The following SDK1 variants were observed in gnomAD, a reference collection of about 807,000 sequenced individuals.
The protein encoded by SDK1 is sidekick cell adhesion molecule 1, also known as protein sidekick-1.
Under a neutral mutation model 245.5 loss-of-function variants are expected in SDK1, and 157 were observed. The ratio of observed to expected loss-of-function variants is 0.64; its 90% CI spans 0.56 to 0.73. The LOEUF (loss-of-function observed/expected upper bound fraction) is 0.73, where lower values mean the gene tolerates loss of function less well. Among genes scored for constraint, SDK1 ranks in the 30% least tolerant of loss-of-function variants. The probability of loss-of-function intolerance (pLI) is 0.00; values close to 1 mark genes in which losing one functional copy is unlikely to be tolerated. For missense variants in SDK1, 3,583 were observed against 3,002.3 expected (o/e 1.19, Z -4.52); for synonymous variants, 1,647 against 1,278.5 (o/e 1.29, Z -6.15).
intron 1 of SDK1, among the ~76,000 whole-genome samples, chr7:3,490,753 C>G (rs1206433782): frequency 1.3e-5 from 2 of 152,200 alleles, no homozygotes; most frequent in Non-Finnish European, 2.9e-5. Context: ...CCCTGAGCTC[C>G]TGTCTTACAG....
chr7:4,022,223 A>C (rs1187325611), intron 17 of SDK1, among the ~76,000 whole-genome samples: 2 of 152,234 alleles, frequency 1.3e-5, no homozygotes, highest in African/African-American at 4.8e-5. Context: ...ATGTCTACAA[A>C]GAGAATTCGA....
At chr7:3,922,603 A>G (rs1779632146) in intron 5 of SDK1, among the ~76,000 whole-genome samples, 1 of 152,202 alleles carries the variant, frequency 6.6e-6, no homozygotes, top group Non-Finnish European at 1.5e-5. Flanking sequence ...ATTGTGTTTA[A>G]TGTCCCAGAG....
chr7:3,542,296 G>A (rs1779075729), intron 1 of SDK1, among the ~76,000 whole-genome samples: 1 of 152,164 alleles, frequency 6.6e-6, no homozygotes, highest in South Asian at 2.1e-4. Context: ...AGAACTTAGG[G>A]CATAATTTTT....
At chr7:3,552,703 G>C (rs1779455917) in intron 1 of SDK1, among the ~76,000 whole-genome samples, 1 of 152,178 alleles carries the variant, frequency 6.6e-6, no homozygotes, top group Non-Finnish European at 1.5e-5. Context: ...TGTCTTAGCT[G>C]TCATGCAATT....
chr7:3,935,170 G>A (rs900878553), intron 5 of SDK1, among the ~76,000 whole-genome samples: 3 of 152,174 alleles, frequency 2.0e-5, no homozygotes, highest in Admixed American at 6.5e-5. Flanking sequence ...TGCCAGGGAC[G>A]ATGGGCAGGG....
At chr7:3,821,630 T>A (rs769778149) in intron 5 of SDK1, 47 bp downstream of exon 5, 1 of 1,600,532 alleles carries the variant, frequency 6.2e-7, no homozygotes, top group South Asian at 1.1e-5. Flanking sequence ...AATAAAATCT[T>A]GCTTTAATCA....
chr7:3,419,908 T>G (rs1366212348), intron 1 of SDK1, among the ~76,000 whole-genome samples: 1 of 152,130 alleles, frequency 6.6e-6, no homozygotes, highest in Non-Finnish European at 1.5e-5. Flanking sequence ...CAAAGATAAA[T>G]AAGTAAAATT....
chr7:3,588,009 A>G (rs528503421), intron 1 of SDK1, among the ~76,000 whole-genome samples: 2 of 152,336 alleles, frequency 1.3e-5, no homozygotes, highest in South Asian at 2.1e-4. Context: ...GGGTAAATCA[A>G]TTCTTTGTAA....
chr7:4,216,774 A>G (rs1784820324), intron 38 of SDK1, among the ~76,000 whole-genome samples: 3 of 152,190 alleles, frequency 2.0e-5, no homozygotes, highest in Non-Finnish European at 4.4e-5. Flanking sequence ...TTGGCTGGGC[A>G]TTGACCAGTC....
At chr7:4,227,136 A>G in intron 40 of SDK1, 3 of 282,868 alleles carry the variant, frequency 1.1e-5, no homozygotes, top group African/African-American at 2.2e-5. Context: ...TTTTCAAGTG[A>G]GTAAGGAAGA....
chr7:4,096,679 T>C (rs1394580973), intron 22 of SDK1, among the ~76,000 whole-genome samples: 1 of 152,070 alleles, frequency 6.6e-6, no homozygotes, highest in Non-Finnish European at 1.5e-5. Flanking sequence ...ACTGTGACCT[T>C]CAGAGGAAAG....
At chr7:3,942,819 G>T (rs1037703143) in intron 5 of SDK1, among the ~76,000 whole-genome samples, 1 of 152,138 alleles carries the variant, frequency 6.6e-6, no homozygotes, top group Non-Finnish European at 1.5e-5. Flanking sequence ...GGTTTTTCTC[G>T]TAACAAAGCC....
intron 1 of SDK1, among the ~76,000 whole-genome samples, chr7:3,587,095 A>G (rs1780714968): frequency 1.3e-5 from 2 of 152,180 alleles, no homozygotes; most frequent in African/African-American, 4.8e-5. Context: ...GGCATGTGTG[A>G]AAACCTTTGT....
rs762189950 is a variant in SDK1 at position 4,110,726 on chromosome 7, G to A, written c.3388G>A (p.Ala1130Thr). The A allele has an allele frequency of 1.9e-6, 3 of 1,614,028 alleles. No individual in the cohort carries two copies. The change falls in exon 23 of 45, where the codon GCC (alanine) becomes ACC (threonine). Residue 1130 changes from alanine to threonine, a missense_variant. By Grantham distance (58) the Ala-to-Thr change is moderately conservative. Transcript: ENST00000404826. ...CTATGAAGAGGAGAATGAGCCTGAT[G>A]CCCAGATGCTGGAGATCCCAAACCT... ...TLYEEENEPD[A>T]QMLEIPNLTP... is the part of the protein sequence containing the mutation.
intron 1 of SDK1, among the ~76,000 whole-genome samples, chr7:3,589,310 G>T (rs1022432152): frequency 6.6e-6 from 1 of 152,126 alleles, no homozygotes; most frequent in Non-Finnish European, 1.5e-5. Context: ...GCCTGTTGAC[G>T]TCAGTACTGA....
chr7:4,218,784 T>A (rs1784981829), intron 38 of SDK1, among the ~76,000 whole-genome samples: 1 of 152,130 alleles, frequency 6.6e-6, no homozygotes, highest in Admixed American at 6.5e-5. Flanking sequence ...TGCCAATCGG[T>A]CCATCCTGGA....
intron 14 of SDK1, among the ~76,000 whole-genome samples, chr7:3,996,395 AT>A (rs1380181266): frequency 6.6e-6 from 1 of 152,178 alleles, no homozygotes; most frequent in African/African-American, 2.4e-5. Flanking sequence ...AACTGAAATT[AT>A]TTTGTTTCAA....
intron 1 of SDK1, among the ~76,000 whole-genome samples, chr7:3,505,952 TTA>T (rs1354406012): frequency 6.6e-6 from 1 of 152,250 alleles, no homozygotes; most frequent in African/African-American, 2.4e-5. Context: ...ATATTTATTT[TTA>T]TGTTTGTTAT....
rs1039505962 is a variant in SDK1 at position 3,567,740 on chromosome 7, G to A, written c.299-51340G>A. Among the ~76,000 whole-genome samples, 244 of 152,296 alleles carry A rather than the reference G, an allele frequency of 1.6e-3. 2 individuals carry two copies. The highest frequency in any genetic ancestry group is 5.7e-3 in the African/African-American group (238 of 41,554). On this transcript the variant is annotated intron_variant, in intron 1 of 44. Transcript: ENST00000404826. ...GTTCCTAATTGAGACAGGCTAGAGG[G>A]CTGTGCCTTTGATGGCTGCATAACA...
Sources: allele counts gnomAD v4.1 joint callset (sites outside exome capture counted in the v4.1 genomes callset), GRCh38; gene constraint gnomAD v4.1.1; transcripts MANE v1.5; gene names NCBI Gene and HGNC (gene_info 2026-07-23, HGNC 2026-07-21).